Variants in CAPN14 observed in about 807,000 individuals in gnomAD.
CAPN14 encodes the protein calpain 14.
Under a neutral mutation model 101.3 loss-of-function variants are expected in CAPN14, and 94 were observed. The observed-to-expected ratio is 0.93, with a 90% confidence interval of 0.79 to 1.10. CAPN14 has a LOEUF of 1.10. Among genes scored for constraint, CAPN14 ranks in the 50% least tolerant of loss-of-function variants. The pLI, the probability that CAPN14 is intolerant of heterozygous loss-of-function variation, is 0.00. For synonymous variants in CAPN14, 338 were observed against 317.9 expected (o/e 1.06, Z -0.67); for missense variants, 837 against 828.4 (o/e 1.01, Z -0.13).
upstream of CAPN14, among the ~76,000 whole-genome samples, chr2:31,217,925 A>G (rs145933959): frequency 6.6e-6 from 1 of 152,322 alleles, no homozygotes; most frequent in African/African-American, 2.4e-5. Context: ...AGAAGCCTGG[A>G]AAGTATTTTC....
intron 5 of CAPN14, among the ~76,000 whole-genome samples, chr2:31,201,593 C>T (rs1360825694): frequency 1.3e-5 from 2 of 152,218 alleles, no homozygotes; most frequent in African/African-American, 2.4e-5. Flanking sequence ...CTACTCCTTC[C>T]TTCCATCCCA....
At chr2:31,201,397 G>A in intron 5 of CAPN14, among the ~76,000 whole-genome samples, 1 of 152,258 alleles carries the variant, frequency 6.6e-6, no homozygotes, top group East Asian at 1.9e-4. Context: ...GCCCCACAGG[G>A]ACCCAAGCAG....
intron 2 of CAPN14, among the ~76,000 whole-genome samples, chr2:31,224,770 A>T (rs994111619): frequency 6.6e-6 from 1 of 151,978 alleles, no homozygotes; most frequent in African/African-American, 2.4e-5. Context: ...GAAATATTTC[A>T]TTTGTAATAA....
At chr2:31,219,735 G>T (rs1682804050), upstream of CAPN14, among the ~76,000 whole-genome samples, 1 of 152,190 alleles carries the variant, frequency 6.6e-6, no homozygotes, top group Admixed American at 6.5e-5. Flanking sequence ...ACAGATGTAG[G>T]TTCACTAACT....
At chr2:31,224,724 A>G (rs1198752884) in intron 2 of CAPN14, among the ~76,000 whole-genome samples, 2 of 151,964 alleles carry the variant, frequency 1.3e-5, no homozygotes, top group Non-Finnish European at 2.9e-5. Context: ...TGGGATTCCT[A>G]TATATAACAA....
At chr2:31,218,794 G>C (rs1390221961), upstream of CAPN14, among the ~76,000 whole-genome samples, 1 of 152,168 alleles carries the variant, frequency 6.6e-6, no homozygotes, top group African/African-American at 2.4e-5. Context: ...CCTCATCTTT[G>C]TCAAGGAATT....
chr2:31,181,432 T>TTCTG, intron 16 of CAPN14, among the ~76,000 whole-genome samples: 1 of 147,630 alleles, frequency 6.8e-6, no homozygotes, highest in Non-Finnish European at 1.5e-5. Context: ...CTTTCTTTCT[T>TTCTG]TCTTTCTTTC....
intron 15 of CAPN14, among the ~76,000 whole-genome samples, chr2:31,187,533 T>TTC (rs1315722286): frequency 6.6e-6 from 1 of 152,106 alleles, no homozygotes; most frequent in Non-Finnish European, 1.5e-5. Context: ...TCAATGAGCG[T>TTC]CCAAGAACAG....
At chr2:31,199,657 G>T in intron 6 of CAPN14, 125 bp from the exon 7 acceptor site, 2 of 702,910 alleles carry the variant, frequency 2.8e-6, no homozygotes, top group South Asian at 2.0e-5. Context: ...ATCATGGTAT[G>T]GTACATTGCA....
At chr2:31,212,303 G>T (rs58672755) in intron 1 of CAPN14, among the ~76,000 whole-genome samples, 1 of 129,764 alleles carries the variant, frequency 7.7e-6, no homozygotes. Context: ...GAATAAGACC[G>T]TCTCAAAACA....
rs565972089 is a variant in CAPN14, at chr2:31,192,222, G to C, written c.1115-124C>G. The C allele has an allele frequency of 4.4e-4, 493 of 1,115,490 alleles. 2 individuals are homozygous for C. The South Asian group carries it at 4.8e-3, about 11-fold the overall frequency. The allele number at this position is 1,115,490 out of a possible 1,614,324, so 69.1% of individuals were successfully genotyped here. A position where few individuals can be genotyped will look rare whatever the true frequency, so the allele number is the denominator to read the frequency against. ...AGGATTGACACCCTGAGGCCCACTG[G>C]GACAGAGTCGGGGTCCCTTCAACCT... On this transcript the variant is annotated intron_variant, in intron 10 of 21. Coordinates refer to ENST00000403897, the MANE Select transcript of CAPN14 (RefSeq NM_001145122.2).
At chr2:31,204,150 C>T (rs2148692482) in intron 2 of CAPN14, among the ~76,000 whole-genome samples, 1 of 152,256 alleles carries the variant, frequency 6.6e-6, no homozygotes, top group East Asian at 1.9e-4. Flanking sequence ...TTGGCTATAG[C>T]TGTTCTGCAT....
intron 1 of CAPN14, among the ~76,000 whole-genome samples, chr2:31,210,431 G>A (rs1477735357): frequency 6.8e-6 from 1 of 147,294 alleles, no homozygotes; most frequent in East Asian, 2.0e-4. Flanking sequence ...CTGGGCGACA[G>A]AGCGTGTCTC....
chr2:31,186,630 G>A, intron 15 of CAPN14, 145 bp from the exon 16 acceptor site: 2 of 562,760 alleles, frequency 3.6e-6, no homozygotes, highest in Non-Finnish European at 6.0e-6. Flanking sequence ...CAACCCCAGA[G>A]AACCCTGGCA....
chr2:31,186,058 G>A (rs1412858278), intron 16 of CAPN14, among the ~76,000 whole-genome samples: 2 of 152,110 alleles, frequency 1.3e-5, no homozygotes, highest in Non-Finnish European at 2.9e-5. Flanking sequence ...TCCCTGGGTA[G>A]GCTAGTTAAT....
intron 8 of CAPN14, among the ~76,000 whole-genome samples, chr2:31,194,784 A>T (rs1197502570): frequency 6.6e-6 from 1 of 152,220 alleles, no homozygotes; most frequent in Non-Finnish European, 1.5e-5. Flanking sequence ...TCAAATATCT[A>T]TTAAACGTCA....
chr2:31,192,367 C>T (rs1217379903), intron 10 of CAPN14, among the ~76,000 whole-genome samples: 1 of 152,186 alleles, frequency 6.6e-6, no homozygotes, highest in Non-Finnish European at 1.5e-5. Context: ...GGTGTTATAC[C>T]CCACAAGCAT....
At chr2:31,225,808 A>G (rs1255487077) in intron 2 of CAPN14, among the ~76,000 whole-genome samples, 1 of 152,170 alleles carries the variant, frequency 6.6e-6, no homozygotes, top group African/African-American at 2.4e-5. Context: ...TAAGTGCACA[A>G]AAGAAAAGAT....
At chr2:31,180,182 C>CG (rs1680516179) in intron 17 of CAPN14, among the ~76,000 whole-genome samples, 1 of 129,068 alleles carries the variant, frequency 7.7e-6, no homozygotes. Flanking sequence ...TCGGCATTAA[C>CG]TCCCCATGTT....
Sources: gnomAD v4.1 joint callset for allele counts (sites outside exome capture counted in the v4.1 genomes callset) on GRCh38, gnomAD v4.1.1 for gene constraint, MANE v1.5 for transcripts, NCBI Gene and HGNC (gene_info 2026-07-23, HGNC 2026-07-21) for gene names.